SLC39A11: variants seen among roughly 807,000 people sequenced by gnomAD.
SLC39A11 encodes the protein solute carrier family 39 member 11.
A neutral mutation model predicts 36.1 loss-of-function variants in SLC39A11; 33 were observed. The observed-to-expected ratio is 0.91, with a 90% CI of 0.69 to 1.22. The LOEUF is 1.22. SLC39A11 is among the 50% of genes most tolerant of loss of function. The probability of loss-of-function intolerance (pLI) is 0.00; values close to 1 mark genes in which losing one functional copy is unlikely to be tolerated. For missense variants in SLC39A11, 432 were observed against 430.3 expected, an observed-to-expected ratio of 1.00 and a Z score of -0.03; for synonymous variants, 166 against 170.3, an observed-to-expected ratio of 0.97 and a Z score of 0.20.
intron 6 of SLC39A11, among the ~76,000 whole-genome samples, chr17:72,793,281 G>A (rs2076777709): frequency 6.6e-6 from 1 of 152,126 alleles, no homozygotes; most frequent in Admixed American, 6.5e-5. Flanking sequence ...CAGATTCCCA[G>A]GGTGCCATGC....
intron 7 of SLC39A11, among the ~76,000 whole-genome samples, chr17:72,722,857 A>G (rs966832014): frequency 2.0e-5 from 3 of 152,034 alleles, no homozygotes; most frequent in African/African-American, 7.2e-5. Context: ...GCCGGTCTGT[A>G]TCTCCTGACC....
intron 6 of SLC39A11, among the ~76,000 whole-genome samples, chr17:72,739,279 A>T (rs1316142532): frequency 6.6e-6 from 1 of 151,866 alleles, no homozygotes; most frequent in African/African-American, 2.4e-5. Context: ...GGCATGCGCC[A>T]CCATGCCCAG....
chr17:73,054,666 G>C (rs1293761941), intron 3 of SLC39A11, among the ~76,000 whole-genome samples: 1 of 151,910 alleles, frequency 6.6e-6, no homozygotes, highest in Non-Finnish European at 1.5e-5. Context: ...AAATTAGTCA[G>C]GTATGGTGGC....
At chr17:73,046,570 A>G (rs1406727444) in intron 3 of SLC39A11, among the ~76,000 whole-genome samples, 1 of 152,206 alleles carries the variant, frequency 6.6e-6, no homozygotes, top group Non-Finnish European at 1.5e-5. Flanking sequence ...CCCTAATACT[A>G]CATGTTTTTC....
intron 6 of SLC39A11, among the ~76,000 whole-genome samples, chr17:72,774,954 C>T (rs2076081783): frequency 1.3e-5 from 2 of 151,800 alleles, no homozygotes. Context: ...GTCTAACTTT[C>T]AGGCACCCAT....
chr17:72,657,541 A>T (rs2143962570), intron 7 of SLC39A11, among the ~76,000 whole-genome samples: 1 of 152,314 alleles, frequency 6.6e-6, no homozygotes, highest in African/African-American at 2.4e-5. Context: ...CCAATATGTT[A>T]AGAGGTCAGA....
At chr17:72,922,247 T>C (rs2147271071) in intron 5 of SLC39A11, among the ~76,000 whole-genome samples, 1 of 152,254 alleles carries the variant, frequency 6.6e-6, no homozygotes, top group African/African-American at 2.4e-5. Flanking sequence ...AACTTCCAAA[T>C]CTCCCGAAGA....
intron 7 of SLC39A11, chr17:72,713,130 A>G (rs1340081236): frequency 6.6e-6 from 1 of 152,532 alleles, no homozygotes; most frequent in African/African-American, 2.4e-5. Context: ...AAGACATGGC[A>G]TTGAAGCCCG....
chr17:73,005,731 G>C (rs921071032), intron 4 of SLC39A11, among the ~76,000 whole-genome samples: 1 of 152,148 alleles, frequency 6.6e-6, no homozygotes, highest in African/African-American at 2.4e-5. Context: ...AGCGGATCAC[G>C]AAGTCAGGAG....
At chr17:72,719,509 G>C (rs2073561513) in intron 7 of SLC39A11, among the ~76,000 whole-genome samples, 1 of 152,214 alleles carries the variant, frequency 6.6e-6, no homozygotes, top group African/African-American at 2.4e-5. Flanking sequence ...AGCTCCCTCT[G>C]TAGTGGCCTG....
intron 7 of SLC39A11, among the ~76,000 whole-genome samples, chr17:72,690,378 C>T (rs1423054727): frequency 6.6e-6 from 1 of 152,106 alleles, no homozygotes; most frequent in African/African-American, 2.4e-5. Context: ...GGGCTCCTGG[C>T]TCTCAGAAGA....
intron 4 of SLC39A11, among the ~76,000 whole-genome samples, chr17:73,022,747 C>G (rs755800941): frequency 9.5e-4 from 145 of 152,104 alleles, no homozygotes; most frequent in Admixed American, 5.7e-3. Context: ...GGAATGCCTC[C>G]AAAGGTGGAA....
At chr17:73,051,523 A>G (rs1452648267) in intron 3 of SLC39A11, among the ~76,000 whole-genome samples, 1 of 151,316 alleles carries the variant, frequency 6.6e-6, no homozygotes, top group African/African-American at 2.4e-5. Context: ...GAAGGAGGAC[A>G]GGTTAGGAGG....
intron 7 of SLC39A11, among the ~76,000 whole-genome samples, chr17:72,703,851 G>C (rs1896256062): frequency 6.6e-6 from 1 of 152,228 alleles, no homozygotes; most frequent in Non-Finnish European, 1.5e-5. Flanking sequence ...CTGTTGGCCG[G>C]GGGTGGTGGC....
chr17:72,857,049 G>A (rs748048768), intron 5 of SLC39A11, among the ~76,000 whole-genome samples: 3 of 152,126 alleles, frequency 2.0e-5, no homozygotes, highest in South Asian at 2.1e-4. Context: ...CTCATGTCAC[G>A]GGGGTTTGTT....
chr17:72,920,664 T>C (rs2083607842), intron 5 of SLC39A11, among the ~76,000 whole-genome samples: 1 of 105,620 alleles, frequency 9.5e-6, no homozygotes, highest in African/African-American at 3.8e-5. Flanking sequence ...GTACACCCTA[T>C]ACACAAACAC....
chr17:72,705,999 G>A (rs1490063550), intron 7 of SLC39A11, among the ~76,000 whole-genome samples: 1 of 152,096 alleles, frequency 6.6e-6, no homozygotes, highest in Non-Finnish European at 1.5e-5. Context: ...GCTATTTTCT[G>A]GTCCCCAGGA....
intron 4 of SLC39A11, among the ~76,000 whole-genome samples, chr17:73,003,650 TG>T (rs2089957604): frequency 6.6e-6 from 1 of 152,106 alleles, no homozygotes; most frequent in Admixed American, 6.5e-5. Flanking sequence ...TTGTGAGTCC[TG>T]GGCAGGACAA....
At chr17:72,979,190 C>A (rs1034821472) in intron 4 of SLC39A11, among the ~76,000 whole-genome samples, 2 of 152,308 alleles carry the variant, frequency 1.3e-5, no homozygotes, top group South Asian at 4.1e-4. Context: ...CTTGCCACTT[C>A]TCCTTCCTGC....
Sources: gnomAD v4.1 joint callset for allele counts (sites outside exome capture counted in the v4.1 genomes callset) on GRCh38, gnomAD v4.1.1 for gene constraint, MANE v1.5 for transcripts, NCBI Gene and HGNC (gene_info 2026-07-23, HGNC 2026-07-21) for gene names.